The following TBC1D1 variants were observed in gnomAD, a reference collection of about 807,000 sequenced individuals.
TBC1D1 encodes TBC1 domain family member 1, also known as TBC1 (tre-2/USP6, BUB2, cdc16) domain family, member 1.
In TBC1D1, 89 loss-of-function variants were observed where a neutral mutation model predicts 125.6. The observed-to-expected ratio is 0.71, with a 90% CI of 0.60 to 0.85. TBC1D1 has a LOEUF of 0.85. Ranked by LOEUF, TBC1D1 falls within the 40% of genes least tolerant of loss-of-function variation. The pLI is 0.00. For missense variants in TBC1D1, 1,377 were observed against 1,469.2 expected, an observed-to-expected ratio of 0.94 and a Z score of 1.03; for synonymous variants, 565 against 564.1, an observed-to-expected ratio of 1.00 and a Z score of -0.02.
In TBC1D1 at chr4:38,049,653, C is replaced by G. The variant is rs751757894; in HGVS notation, c.1665C>G (p.Ile555Met). 13 of 1,613,236 alleles carry G rather than the reference C, an allele frequency of 8.1e-6. No homozygotes were observed. Among genetic ancestry groups the G allele is most frequent in the Non-Finnish European group, 1.1e-5 (13 of 1,179,308 alleles). Reference sequence around the variant, plus strand: ...TGTGTGAAAAGGAGGCCTTGCCCATCTCTGAGAGCTCCTTTAAGCTCCTCG... The same window carrying G: ...TGTGTGAAAAGGAGGCCTTGCCCATGTCTGAGAGCTCCTTTAAGCTCCTCG... The change falls in exon 11 of 20, where the codon ATC becomes ATG. Residue 555 changes from isoleucine to methionine, a missense_variant. By Grantham distance (10) the Ile-to-Met change is conservative. Transcript: ENST00000261439.
intron 14 of TBC1D1, among the ~76,000 whole-genome samples, chr4:38,097,734 TC>T (rs1759610430): frequency 6.6e-6 from 1 of 152,290 alleles, no homozygotes; most frequent in African/African-American, 2.4e-5. Flanking sequence ...TGCCTCGGCC[TC>T]CCAAAGTGCT....
intron 11 of TBC1D1, 125 bp from the exon 14 acceptor site, chr4:38,054,074 T>C: frequency 9.6e-7 from 1 of 1,038,598 alleles, no homozygotes; most frequent in African/African-American, 1.6e-5. Flanking sequence ...ATAACTTCTG[T>C]GATTGATTAT....
chr4:38,021,298 C>A (rs113620509), intron 5 of TBC1D1, among the ~76,000 whole-genome samples: 3,865 of 152,262 alleles, frequency 0.025, 70 homozygotes, highest in South Asian at 0.054. Context: ...TGGGTCCCTC[C>A]CATGACATAT....
intron 2 of TBC1D1, chr4:38,007,104 A>G: frequency 3.8e-6 from 1 of 266,144 alleles, no homozygotes; most frequent in South Asian, 5.5e-5. Context: ...AAGAGAAGAC[A>G]TTTCTTGAGT....
At chr4:38,016,505 G>T (rs1742751597) in intron 3 of TBC1D1, among the ~76,000 whole-genome samples, 1 of 152,186 alleles carries the variant, frequency 6.6e-6, no homozygotes, top group Non-Finnish European at 1.5e-5. Flanking sequence ...ACCAATAGCA[G>T]CCTCACTTCC....
chr4:38,106,033 C>G (rs531620659), intron 15 of TBC1D1, among the ~76,000 whole-genome samples: 1 of 152,280 alleles, frequency 6.6e-6, no homozygotes, highest in Admixed American at 6.5e-5. Context: ...CCCCGCCTGT[C>G]CTTAGTATAC....
intron 2 of TBC1D1, among the ~76,000 whole-genome samples, chr4:37,984,751 G>C (rs1443351114): frequency 6.6e-6 from 1 of 151,328 alleles, no homozygotes; most frequent in African/African-American, 2.4e-5. Flanking sequence ...GCTGAGGCAC[G>C]AGAATTCCTT....
At chr4:38,036,223 T>A (rs1747185663) in intron 8 of TBC1D1, among the ~76,000 whole-genome samples, 1 of 152,204 alleles carries the variant, frequency 6.6e-6, no homozygotes, top group Non-Finnish European at 1.5e-5. Flanking sequence ...CCTCCTCCAC[T>A]GTCTACAGCC....
intron 2 of TBC1D1, among the ~76,000 whole-genome samples, chr4:37,974,239 CT>C (rs1489996791): frequency 2.6e-5 from 4 of 151,304 alleles, no homozygotes; most frequent in South Asian, 4.2e-4. Context: ...AATGATGTCA[CT>C]TTTTTTTTGA....
In TBC1D1 at chr4:37,933,772, A is replaced by T. The variant is rs16994080; in HGVS notation, c.417+31260A>T. ...CACCTCCGTACTGATCGGAATCACC[A>T]TGGGTAGGCTGGTAGGACCATGCCT... On this transcript the variant is annotated intron_variant, in intron 2 of 19. Transcript: ENST00000261439. Among the ~76,000 whole-genome samples, 295 of 152,290 alleles carry T rather than the reference A, an allele frequency of 1.9e-3. 3 individuals are homozygous for T. The highest frequency in any genetic ancestry group is 6.7e-3 in the African/African-American group (280 of 41,556).
intron 2 of TBC1D1, among the ~76,000 whole-genome samples, chr4:37,968,353 T>G (rs1365204607): frequency 6.6e-6 from 1 of 152,284 alleles, no homozygotes; most frequent in African/African-American, 2.4e-5. Context: ...CTGGTGGGAC[T>G]GCAGCCAGCT....
At chr4:38,131,711 G>A (rs1765616479) in intron 18 of TBC1D1, among the ~76,000 whole-genome samples, 1 of 152,144 alleles carries the variant, frequency 6.6e-6, no homozygotes, top group Non-Finnish European at 1.5e-5. Context: ...AAGCCTCTGA[G>A]CCAGTTACCT....
intron 2 of TBC1D1, chr4:37,952,468 G>T (rs955746483): frequency 5.4e-6 from 1 of 183,746 alleles, no homozygotes; most frequent in Non-Finnish European, 1.2e-5. Flanking sequence ...ACGAGATCAC[G>T]TCCTTTCTAG....
rs181903019 is a variant in TBC1D1, at chr4:38,114,761, G to C, written c.2558-949G>C. The stretch of plus-strand genomic sequence containing the variant: ...TAACAGTTTTTTGTGAAAATAATCA[G>C]GATGTTGAGAGCTTTTTTTTTTTTC... On this transcript the variant is annotated intron_variant, in intron 15 of 19. Coordinates refer to ENST00000261439, the MANE Select transcript of TBC1D1 (RefSeq NM_015173.4). 9.9e-5 allele frequency among the ~76,000 whole-genome samples: 15 copies of C among 152,188 alleles called. No homozygotes were observed. In the East Asian group the frequency reaches 2.5e-3, roughly 25 times the overall value.
intron 2 of TBC1D1, among the ~76,000 whole-genome samples, chr4:37,925,260 A>G (rs891205949): frequency 2.0e-5 from 3 of 152,160 alleles, no homozygotes; most frequent in Non-Finnish European, 4.4e-5. Context: ...CCTTTCACAC[A>G]TGGTGTCTTG....
Position 38,049,616 on chromosome 4 carries a change from A to G in TBC1D1, c.1630-2A>G. ...TCTGATCTGCTGTGTGTTTGCTCCC[A>G]GGAGCCATCTGTGTGTGAAAAGGAG... On this transcript the variant is annotated splice_acceptor_variant, in intron 10 of 19. Transcript: ENST00000261439. LOFTEE classifies it high-confidence loss of function. The G allele has an allele frequency of 6.2e-7, 1 of 1,601,330 alleles. No homozygotes were observed. The highest frequency in any genetic ancestry group is 8.5e-7 in the Non-Finnish European group (1 of 1,172,426).
chr4:37,953,795 GCCA>G, intron 2 of TBC1D1, among the ~76,000 whole-genome samples: 1 of 152,112 alleles, frequency 6.6e-6, no homozygotes, highest in East Asian at 1.9e-4. Flanking sequence ...TTGGTATGTG[GCCA>G]GGGACAGCAG....
chr4:38,013,355 T>TA (rs1201219875), intron 2 of TBC1D1, among the ~76,000 whole-genome samples: 1 of 152,216 alleles, frequency 6.6e-6, no homozygotes, highest in Non-Finnish European at 1.5e-5. Flanking sequence ...TCCTTTACTG[T>TA]ATGTGTTGAT....
chr4:38,046,107 T>C (rs1749403271), intron 10 of TBC1D1, among the ~76,000 whole-genome samples: 1 of 152,176 alleles, frequency 6.6e-6, no homozygotes, highest in African/African-American at 2.4e-5. Context: ...GCTCAACGCC[T>C]GTAATCTCAG....
Sources: gnomAD v4.1 joint callset for allele counts (sites outside exome capture counted in the v4.1 genomes callset) on GRCh38, gnomAD v4.1.1 for gene constraint, MANE v1.5 for transcripts, NCBI Gene and HGNC (gene_info 2026-07-23, HGNC 2026-07-21) for gene names.